The following DDX4 variants were observed in gnomAD, a reference collection of about 807,000 sequenced individuals.
DDX4 encodes the protein probable ATP-dependent RNA helicase DDX4.
A neutral mutation model predicts 100.0 loss-of-function variants in DDX4; 25 were observed. The ratio of observed to expected loss-of-function variants is 0.25; its 90% CI spans 0.18 to 0.35. The LOEUF (loss-of-function observed/expected upper bound fraction) is 0.35. Among genes scored for constraint, DDX4 ranks in the 10% least tolerant of loss-of-function variants. The pLI is 1.00. For synonymous variants in DDX4, 259 were observed against 275.7 expected (o/e 0.94, Z 0.60); for missense variants, 635 against 882.4 (o/e 0.72, Z 3.55).
chr5:55,750,260 AG>A (rs1356589397), intron 3 of DDX4: 14 of 157,122 alleles, frequency 8.9e-5, no homozygotes, highest in Non-Finnish European at 1.6e-4. Context: ...TTGATATTGA[AG>A]GTCTTGGGAA....
intron 3 of DDX4, among the ~76,000 whole-genome samples, chr5:55,758,099 C>G (rs546415651): frequency 5.3e-5 from 8 of 152,030 alleles, no homozygotes; most frequent in Non-Finnish European, 1.0e-4. Context: ...TCCTTTTTTG[C>G]TGTTATGAAC....
At chr5:55,801,248 A>AT (rs925062675) in intron 18 of DDX4, among the ~76,000 whole-genome samples, 1 of 148,452 alleles carries the variant, frequency 6.7e-6, no homozygotes, top group African/African-American at 2.5e-5. Flanking sequence ...TTAAAAAAAC[A>AT]TTTTTTTAAA....
chr5:55,758,800 A>G (rs566828761), intron 3 of DDX4, among the ~76,000 whole-genome samples: 4 of 149,616 alleles, frequency 2.7e-5, no homozygotes, highest in Non-Finnish European at 5.9e-5. Context: ...TACCCTGGCA[A>G]ATTTTATAGG....
intron 7 of DDX4, among the ~76,000 whole-genome samples, chr5:55,776,288 A>G (rs570009548): frequency 6.6e-6 from 1 of 152,332 alleles, no homozygotes; most frequent in African/African-American, 2.4e-5. Context: ...AGAGTGGTTA[A>G]TAAATAAGGT....
chr5:55,756,941 C>T (rs559181570), intron 3 of DDX4, among the ~76,000 whole-genome samples: 39 of 151,308 alleles, frequency 2.6e-4, no homozygotes, highest in South Asian at 6.2e-4. Flanking sequence ...TCATTACATT[C>T]ATGAAAGTGA....
At chr5:55,785,974 T>C in intron 13 of DDX4, 103 bp downstream of exon 13, 1 of 751,214 alleles carries the variant, frequency 1.3e-6, no homozygotes, top group Non-Finnish European at 2.2e-6. Context: ...ATTTCACCTT[T>C]CGTATATAAG....
intron 18 of DDX4, among the ~76,000 whole-genome samples, chr5:55,799,022 A>G (rs188226428): frequency 1.2e-3 from 185 of 152,156 alleles, no homozygotes; most frequent in African/African-American, 4.1e-3. Context: ...TTCCTTCACA[A>G]TATCTGTGGG....
At chr5:55,768,763 C>T (rs977657090) in intron 7 of DDX4, among the ~76,000 whole-genome samples, 1 of 152,158 alleles carries the variant, frequency 6.6e-6, no homozygotes, top group South Asian at 2.1e-4. Context: ...TAGGCATTCC[C>T]TTTTCTCTGC....
intron 17 of DDX4, 35 bp from the exon 18 acceptor site, chr5:55,798,391 A>T: frequency 2.5e-6 from 4 of 1,602,062 alleles, no homozygotes; most frequent in Non-Finnish European, 3.4e-6. Flanking sequence ...GATGGAGAGG[A>T]GGATAAGTTA....
At chr5:55,738,496 C>T (rs542201474) in intron 1 of DDX4, among the ~76,000 whole-genome samples, 90 of 143,096 alleles carry the variant, frequency 6.3e-4, no homozygotes, top group African/African-American at 2.3e-3. Context: ...GACTCCCGTA[C>T]CCCTGTCCCC....
At position 55,812,866 on chromosome 5, in the gene DDX4, C is replaced by T. The variant is rs941024480; in HGVS notation, c.1616-807C>T. Among the ~76,000 whole-genome samples the T allele has an allele frequency of 3.4e-4, 51 of 150,866 alleles. 1 individual carries two copies. Among genetic ancestry groups the T allele is most frequent in the Non-Finnish European group, 1.5e-4 (10 of 67,838 alleles). ...TAGTGAAAGCAGGGGCTTTTATTTC[C>T]GCATTTCCAACAGAAACATGACAGG... On this transcript the variant is annotated intron_variant, in intron 18 of 21. Coordinates refer to ENST00000505374, the MANE Select transcript of DDX4 (RefSeq NM_024415.3).
intron 18 of DDX4, among the ~76,000 whole-genome samples, chr5:55,803,178 G>T (rs374536938): frequency 7.9e-5 from 10 of 126,978 alleles, no homozygotes; most frequent in African/African-American, 2.7e-4. Flanking sequence ...AATTCCCACC[G>T]ATGAGTGAGA....
chr5:55,807,684 A>G (rs1055082736), intron 18 of DDX4, among the ~76,000 whole-genome samples: 1 of 152,232 alleles, frequency 6.6e-6, no homozygotes, highest in Non-Finnish European at 1.5e-5. Context: ...GTTTCTGCCG[A>G]GAGATCAGCT....
chr5:55,789,905 C>T (rs1364581668), intron 15 of DDX4, among the ~76,000 whole-genome samples: 2 of 152,086 alleles, frequency 1.3e-5, no homozygotes, highest in Non-Finnish European at 1.5e-5. Context: ...TTATTCTTTT[C>T]CATGCTTGAA....
Position 55,779,959 on chromosome 5 carries a change from T to C in DDX4, c.395-5T>C. 6.2e-7 allele frequency: 1 copy of C among 1,613,312 alleles called. No individual in the cohort carries two copies. Among genetic ancestry groups the C allele is most frequent in the Non-Finnish European group, 8.5e-7 (1 of 1,179,650 alleles). On this transcript the variant is annotated splice_region_variant and splice_polypyrimidine_tract_variant and intron_variant, in intron 7 of 21. Coordinates refer to ENST00000505374, the MANE Select transcript of DDX4 (RefSeq NM_024415.3). ...GTTGTTCTTGTGTGTGTTTTAACAT[T>C]ATAGGCTATCGAGATGGAAATAATT... is the stretch of plus-strand genomic sequence containing the variant.
chr5:55,765,891 G>C (rs1041596386), intron 6 of DDX4, among the ~76,000 whole-genome samples: 3 of 152,018 alleles, frequency 2.0e-5, no homozygotes, highest in Non-Finnish European at 4.4e-5. Flanking sequence ...TGCAACCTCT[G>C]CGTCCAGGGT....
intron 8 of DDX4, among the ~76,000 whole-genome samples, chr5:55,780,764 A>G (rs1454576491): frequency 6.6e-6 from 1 of 152,218 alleles, no homozygotes; most frequent in Non-Finnish European, 1.5e-5. Context: ...ATATTTTGGC[A>G]TAGCACTGGC....
intron 2 of DDX4, among the ~76,000 whole-genome samples, chr5:55,745,162 T>C (rs1267137249): frequency 6.6e-6 from 1 of 152,150 alleles, no homozygotes; most frequent in Non-Finnish European, 1.5e-5. Flanking sequence ...ATTACAGGTG[T>C]GAGCCACTGA....
intron 17 of DDX4, among the ~76,000 whole-genome samples, chr5:55,796,823 C>CTTTTTTTTTTTTTTTTTTTCTTTT (rs1742981714): frequency 1.7e-5 from 1 of 59,936 alleles, no homozygotes; most frequent in African/African-American, 5.9e-5. Flanking sequence ...TTCTTTCTTT[C>CTTTTTTTTTTTTTTTTTTTCTTTT]TTTTTTTTTT....
Sources: gnomAD v4.1 joint callset for allele counts (sites outside exome capture counted in the v4.1 genomes callset) on GRCh38, gnomAD v4.1.1 for gene constraint, MANE v1.5 for transcripts, NCBI Gene and HGNC (gene_info 2026-07-23, HGNC 2026-07-21) for gene names.